Variants in ADARB1 observed in about 807,000 individuals in gnomAD.
The protein encoded by ADARB1 is adenosine deaminase RNA specific B1.
Under a neutral mutation model 52.4 loss-of-function variants are expected in ADARB1, and 10 were observed. The observed-to-expected ratio is 0.19, with a 90% CI of 0.12 to 0.32. The LOEUF (loss-of-function observed/expected upper bound fraction) is 0.32, where lower values mean the gene tolerates loss of function less well. ADARB1 is among the 10% of genes least tolerant of loss of function. ADARB1 has a pLI of 1.00. For missense variants in ADARB1, 643 were observed against 922.3 expected (o/e 0.70, Z 3.92); for synonymous variants, 349 against 371.1 (o/e 0.94, Z 0.68).
Position 45,157,121 on chromosome 21 carries a change from C to G in ADARB1, c.-47-14489C>G, listed in dbSNP as rs1041485522. Among the ~76,000 whole-genome samples, 1 of 152,098 alleles carries G rather than the reference C, an allele frequency of 6.6e-6. No individual in the cohort carries two copies. The highest frequency in any genetic ancestry group is 6.5e-5 in the Admixed American group (1 of 15,286). ...ATCTGTGCTGATGGGCCTCGCAGCA[C>G]AAGAAAGACTCTGCTGCCTGGGCAG... On this transcript the variant is annotated intron_variant, in intron 2 of 10. Transcript: ENST00000348831. The surrounding 1 kb of genome is among the most constrained non-coding windows in gnomAD (Gnocchi z 4.1).
intron 8 of ADARB1, among the ~76,000 whole-genome samples, chr21:45,202,095 G>A (rs1302866118): frequency 6.6e-6 from 1 of 152,132 alleles, no homozygotes; most frequent in African/African-American, 2.4e-5. Context: ...TTTTGTGCCA[G>A]GGAATGGCCT....
At chr21:45,178,067 G>T (rs1042852195) in intron 4 of ADARB1, among the ~76,000 whole-genome samples, 5 of 152,102 alleles carry the variant, frequency 3.3e-5, no homozygotes, top group African/African-American at 9.7e-5. Flanking sequence ...GATGTGACTT[G>T]TCTTCCCTTA....
chr21:45,183,566 A>C, intron 7 of ADARB1, 56 bp downstream of exon 7: 1 of 1,581,876 alleles, frequency 6.3e-7, no homozygotes, highest in Non-Finnish European at 8.6e-7. Context: ...TAACAGATAA[A>C]AACTAACCTG....
Position 45,180,398 on chromosome 21 carries a change from C to G in ADARB1, c.1032C>G (p.Ser344=), listed in dbSNP as rs757885411. ...KFGDLTDNFS[S]PHARRKVLAG... ...GTGACCTGACCGACAACTTCTCCTC[C>G]CCTCACGCTCGCAGAAAAGTGCTGG... The change falls in exon 5 of 11, where the codon TCC becomes TCG. Residue 344 remains serine (S), a synonymous_variant. Coordinates refer to ENST00000348831, the MANE Select transcript of ADARB1 (RefSeq NM_001112.4). 1.6e-5 allele frequency: 26 copies of G among 1,614,042 alleles called. No homozygotes were observed. The South Asian group carries it at 2.6e-4, about 16-fold the overall frequency.
In ADARB1 at chr21:45,225,532, T is replaced by C. The variant is rs750796823; in HGVS notation, c.*3335T>C. The C allele has an allele frequency of 7.5e-7, 1 of 1,333,888 alleles. No individual in the cohort carries two copies. The highest frequency in any genetic ancestry group is 9.7e-7 in the Non-Finnish European group (1 of 1,030,736). The allele number at this position is 1,333,888 out of a possible 1,614,324, so 82.6% of individuals were successfully genotyped here. On this transcript the variant is annotated 3_prime_UTR_variant, in exon 11 of 11. Coordinates refer to ENST00000348831, the MANE Select transcript of ADARB1 (RefSeq NM_001112.4). ...TCTTTGTGAAGACAGTGTCTCTCCT[T>C]GTAATCTCACACAGGTACACTGAGG... is the stretch of plus-strand genomic sequence containing the variant.
chr21:45,110,557 C>G (rs1449814067), intron 1 of ADARB1, among the ~76,000 whole-genome samples: 2 of 152,054 alleles, frequency 1.3e-5, no homozygotes, highest in African/African-American at 4.8e-5. Context: ...ATTTTAATTC[C>G]TAGGAGGTTA....
chr21:45,219,237 GA>G (rs1172522414), intron 9 of ADARB1, among the ~76,000 whole-genome samples: 1 of 152,216 alleles, frequency 6.6e-6, no homozygotes, highest in African/African-American at 2.4e-5. Flanking sequence ...CTAAAGAACT[GA>G]ATGGTGGCTA....
chr21:45,083,643 A>G (rs2086232111), intron 1 of ADARB1, among the ~76,000 whole-genome samples: 1 of 152,252 alleles, frequency 6.6e-6, no homozygotes, highest in Non-Finnish European at 1.5e-5. Flanking sequence ...AGGCAGCCAA[A>G]TAAAATGAAA....
chr21:45,151,187 G>A (rs546547120), intron 2 of ADARB1, among the ~76,000 whole-genome samples: 1 of 152,276 alleles, frequency 6.6e-6, no homozygotes, highest in Non-Finnish European at 1.5e-5. Context: ...AAAGTGTCAG[G>A]GGTGGCTGAA....
chr21:45,182,921 C>T (rs187379630), intron 6 of ADARB1, among the ~76,000 whole-genome samples, 168 bp downstream of exon 6: 23 of 152,280 alleles, frequency 1.5e-4, no homozygotes, highest in African/African-American at 4.8e-4. Flanking sequence ...CAATGCTCAA[C>T]ACACATATGC....
chr21:45,100,073 TC>T lies in ADARB1; in HGVS notation c.-220+25282del, dbSNP rs369533093. 2.0e-3 allele frequency among the ~76,000 whole-genome samples: 309 copies of T among 152,346 alleles called. 3 individuals carry two copies. The highest frequency in any genetic ancestry group is 7.0e-3 in the African/African-American group (292 of 41,580). On this transcript the variant is annotated intron_variant, in intron 1 of 10. Transcript: ENST00000348831. ...TTCTAGTCTTCCCTTTCCAAAACTT[TC>T]CTTTTTCTCCCCCCGTGTTAAAGAT...
intron 9 of ADARB1, among the ~76,000 whole-genome samples, chr21:45,212,535 A>G (rs552088067): frequency 3.9e-5 from 6 of 152,266 alleles, no homozygotes; most frequent in Non-Finnish European, 5.9e-5. Flanking sequence ...CCTCAGGAAG[A>G]CATGAGGCTC....
In ADARB1 at chr21:45,182,566, C is replaced by T. The variant is rs751081460; in HGVS notation, c.1079-19C>T. 4.5e-6 allele frequency: 7 copies of T among 1,559,116 alleles called. No homozygotes were observed. The East Asian group carries it at 1.4e-4, about 31-fold the overall frequency. ...TACTGTGAATTACAGAAAATAGTGT[C>T]TCTTTTTTTTTTTTTCAGGCACAGA... On this transcript the variant is annotated intron_variant, in intron 5 of 10. Coordinates refer to ENST00000348831, the MANE Select transcript of ADARB1 (RefSeq NM_001112.4).
rs147960077 is a variant in ADARB1, at chr21:45,085,194, G to T, written c.-220+10401G>T. Among the ~76,000 whole-genome samples, 4 of 152,300 alleles carry T rather than the reference G, an allele frequency of 2.6e-5. No homozygotes were observed. In the South Asian group the frequency reaches 8.3e-4, roughly 32 times the overall value. On this transcript the variant is annotated intron_variant, in intron 1 of 10. Coordinates refer to ENST00000348831, the MANE Select transcript of ADARB1 (RefSeq NM_001112.4). ...TTTCTATCATTTGAGGTGAGGTTTC[G>T]TGTTGGTTCATCTGACTGGCCGAGT...
intron 1 of ADARB1, among the ~76,000 whole-genome samples, chr21:45,077,715 A>G (rs900444630): frequency 2.6e-5 from 4 of 152,132 alleles, no homozygotes; most frequent in African/African-American, 9.7e-5. Context: ...TTCTGTGTCA[A>G]CTTTCTAAAA....
At chr21:45,135,580 A>T (rs958806317) in intron 2 of ADARB1, among the ~76,000 whole-genome samples, 1 of 152,248 alleles carries the variant, frequency 6.6e-6, no homozygotes, top group Admixed American at 6.5e-5. Flanking sequence ...TGAGCGGTAG[A>T]TAGACAGAGT....
intron 1 of ADARB1, among the ~76,000 whole-genome samples, chr21:45,078,886 A>C (rs2086047623): frequency 6.6e-6 from 1 of 152,220 alleles, no homozygotes; most frequent in African/African-American, 2.4e-5. Flanking sequence ...ATGACAGTCC[A>C]AAAAGTAGGC....
intron 1 of ADARB1, among the ~76,000 whole-genome samples, chr21:45,125,077 G>T (rs1189217175): frequency 6.6e-6 from 1 of 152,152 alleles, no homozygotes; most frequent in Non-Finnish European, 1.5e-5. Context: ...GATGACAGAC[G>T]TGAGCTACCG....
chr21:45,129,808 G>A (rs2088821360), intron 2 of ADARB1, among the ~76,000 whole-genome samples: 1 of 152,210 alleles, frequency 6.6e-6, no homozygotes, highest in African/African-American at 2.4e-5. Context: ...GGGGAGTAGA[G>A]ACACACCCAT....
Sources: gnomAD v4.1 joint callset for allele counts (sites outside exome capture counted in the v4.1 genomes callset) on GRCh38, gnomAD v4.1.1 for gene constraint, Gnocchi (gnomAD v3.1) non-coding constraint, MANE v1.5 for transcripts, NCBI Gene and HGNC (gene_info 2026-07-23, HGNC 2026-07-21) for gene names.